GATAD2B: variants seen among roughly 807,000 people sequenced by gnomAD.
The protein encoded by GATAD2B is GATA zinc finger domain containing 2B.
Under a neutral mutation model 64.3 loss-of-function variants are expected in GATAD2B, and 8 were observed. The observed-to-expected ratio is 0.12, with a 90% CI of 0.07 to 0.22. The LOEUF is 0.22. Ranked by LOEUF, GATAD2B falls within the 10% of genes least tolerant of loss-of-function variation. GATAD2B has a pLI of 1.00. For synonymous variants in GATAD2B, 281 were observed against 271.3 expected (o/e 1.04, Z -0.35); for missense variants, 453 against 752.0 (o/e 0.60, Z 4.65).
intron 10 of GATAD2B, among the ~76,000 whole-genome samples, chr1:153,811,334 G>A (rs140015760): frequency 6.6e-6 from 1 of 152,336 alleles, no homozygotes; most frequent in East Asian, 1.9e-4. Flanking sequence ...AGTGGTGAGA[G>A]GAAGATGAAT....
intron 6 of GATAD2B, 100 bp downstream of exon 6, chr1:153,817,272 T>G (rs573880306): frequency 8.8e-7 from 1 of 1,136,420 alleles, no homozygotes; most frequent in East Asian, 2.6e-5. Context: ...TGTCCTAGAG[T>G]TTATCTATGT....
At position 153,812,190 on chromosome 1, in the gene GATAD2B, CT is replaced by C. The variant is rs11264420; in HGVS notation, c.1420-59del. On this transcript the variant is annotated intron_variant, in intron 8 of 10. Coordinates refer to ENST00000368655, the MANE Select transcript of GATAD2B (RefSeq NM_020699.4). ...AGGACAGCACCCAATACCCAATTTC[CT>C]TTTTTTTTTTTTTTTTTAAACAGAG... 248,262 of 604,484 alleles carry C rather than the reference CT, an allele frequency of 0.41. 24,727 individuals carry two copies. Among genetic ancestry groups the C allele is most frequent in the African/African-American group, 0.66 (32,365 of 49,258 alleles). The allele number at this position is 604,484 out of a possible 1,614,324, so 37.4% of individuals were successfully genotyped here. A position where few individuals can be genotyped will look rare whatever the true frequency, so the allele number is the denominator to read the frequency against.
At position 153,908,783 on chromosome 1, in the gene GATAD2B, A is replaced by T. The variant is rs12027760; in HGVS notation, c.-2+13950T>A. Reference sequence around the variant, plus strand: ...GCACCTGGCCTAGAAACATACTTGGAAAAAAAAAAAAAAAAAAAAGAAAGA... The same window carrying T: ...GCACCTGGCCTAGAAACATACTTGGTAAAAAAAAAAAAAAAAAAAGAAAGA... On this transcript the variant is annotated intron_variant, in intron 1 of 10. Transcript: ENST00000368655. Among the ~76,000 whole-genome samples the T allele has an allele frequency of 1.5e-4, 18 of 121,338 alleles. No homozygotes were observed. The East Asian group carries it at 2.9e-3, about 19-fold the overall frequency. 79.6% of individuals were successfully genotyped at this position (121,338 alleles called of 152,430 possible). A position where few individuals can be genotyped will look rare whatever the true frequency, so the allele number is the denominator to read the frequency against.
chr1:153,908,137 CACAA>C (rs771859926), intron 1 of GATAD2B, among the ~76,000 whole-genome samples: 1 of 152,066 alleles, frequency 6.6e-6, no homozygotes, highest in African/African-American at 2.4e-5. Flanking sequence ...TACATTTTAA[CACAA>C]ACACACACTC....
chr1:153,838,270 T>C (rs1675343251), intron 1 of GATAD2B, among the ~76,000 whole-genome samples: 1 of 152,184 alleles, frequency 6.6e-6, no homozygotes, highest in Admixed American at 6.6e-5. Context: ...TCATACACTA[T>C]GTGTCAAAGT....
chr1:153,887,244 C>T (rs981167722), intron 1 of GATAD2B, among the ~76,000 whole-genome samples: 5 of 152,150 alleles, frequency 3.3e-5, no homozygotes, highest in African/African-American at 1.2e-4. Flanking sequence ...CAATCAAGCA[C>T]TAATACAAAG....
intron 1 of GATAD2B, among the ~76,000 whole-genome samples, chr1:153,912,415 A>G (rs1011266750): frequency 2.6e-4 from 40 of 152,208 alleles, no homozygotes; most frequent in African/African-American, 8.7e-4. Flanking sequence ...TCTGAATTAT[A>G]AAATAAGAGA....
chr1:153,911,199 C>A (rs1479254866), intron 1 of GATAD2B, among the ~76,000 whole-genome samples: 1 of 152,040 alleles, frequency 6.6e-6, no homozygotes, highest in Non-Finnish European at 1.5e-5. Context: ...AAAGTACCAC[C>A]AATACTATTT....
chr1:153,846,457 C>T (rs925710783), intron 1 of GATAD2B, among the ~76,000 whole-genome samples: 15 of 151,826 alleles, frequency 9.9e-5, no homozygotes, highest in African/African-American at 2.7e-4. Flanking sequence ...ACGCTGGACT[C>T]GAACTCCTGG....
chr1:153,888,438 G>A (rs915808192), intron 1 of GATAD2B, among the ~76,000 whole-genome samples: 1 of 152,204 alleles, frequency 6.6e-6, no homozygotes, highest in Non-Finnish European at 1.5e-5. Context: ...TCAGCAGCAT[G>A]CTATTGATTC....
intron 2 of GATAD2B, among the ~76,000 whole-genome samples, chr1:153,822,465 T>C (rs1674714259): frequency 6.6e-6 from 1 of 152,158 alleles, no homozygotes; most frequent in Non-Finnish European, 1.5e-5. Flanking sequence ...TTCCCAGATA[T>C]AAACACACCG....
chr1:153,819,855 T>G, intron 2 of GATAD2B, 120 bp from the exon 3 acceptor site: 1 of 742,286 alleles, frequency 1.3e-6, no homozygotes, highest in South Asian at 2.7e-5. Flanking sequence ...TCCTAGCACT[T>G]TGGGAGACCG....
chr1:153,866,884 G>C (rs944216144), intron 1 of GATAD2B, among the ~76,000 whole-genome samples: 2 of 152,128 alleles, frequency 1.3e-5, no homozygotes, highest in African/African-American at 4.8e-5. Flanking sequence ...GGGTTCAATA[G>C]ATTCTCCTGC....
chr1:153,886,522 CTTTTTTTTTTTT>C (rs960423174), intron 1 of GATAD2B: 5 of 113,944 alleles, frequency 4.4e-5, no homozygotes, highest in Non-Finnish European at 8.8e-5. Context: ...AATAGTTTTC[CTTTTTTTTTTTT>C]TTTTTTTTTT....
intron 1 of GATAD2B, chr1:153,889,673 C>G: frequency 6.0e-6 from 5 of 833,298 alleles, no homozygotes; most frequent in Non-Finnish European, 7.2e-6. Flanking sequence ...TTAAAATACA[C>G]TCACATGTTA....
chr1:153,877,500 G>A (rs1476854823), intron 1 of GATAD2B, among the ~76,000 whole-genome samples: 1 of 152,042 alleles, frequency 6.6e-6, no homozygotes, highest in African/African-American at 2.4e-5. Context: ...AGAAGGTACT[G>A]GTTTATGCCT....
chr1:153,824,636 A>AAG (rs1553189272), intron 2 of GATAD2B, among the ~76,000 whole-genome samples: 2 of 150,934 alleles, frequency 1.3e-5, no homozygotes, highest in Non-Finnish European at 3.0e-5. Flanking sequence ...AAAAAAAAAA[A>AAG]AGTTGGGTTT....
rs764803901 is a variant in GATAD2B, at chr1:153,816,609, G to A, written c.901-21C>T. Reference sequence around the variant, plus strand: ...GACTGCTGAAATAGATTGAGAATGCGGTCAATCATGGTATGCAGGAGAAAG... The same window carrying A: ...GACTGCTGAAATAGATTGAGAATGCAGTCAATCATGGTATGCAGGAGAAAG... On this transcript the variant is annotated intron_variant, in intron 6 of 10. Transcript: ENST00000368655. The surrounding 1 kb of genome is among the most constrained non-coding windows in gnomAD (Gnocchi z 4.9). 2.6e-5 allele frequency: 40 copies of A among 1,526,330 alleles called. No homozygotes were observed. Among genetic ancestry groups the A allele is most frequent in the East Asian group, 9.0e-5 (4 of 44,322 alleles). 94.5% of individuals were successfully genotyped at this position (1,526,330 alleles called of 1,614,324 possible).
chr1:153,922,066 A>T (rs1196273705), intron 1 of GATAD2B: 2 of 152,254 alleles, frequency 1.3e-5, no homozygotes, highest in Non-Finnish European at 2.9e-5. Context: ...GTGCCCACAT[A>T]GCCTGAGACA....
Sources: allele counts gnomAD v4.1 joint callset (sites outside exome capture counted in the v4.1 genomes callset), GRCh38; gene constraint gnomAD v4.1.1; non-coding constraint Gnocchi (gnomAD v3.1); transcripts MANE v1.5; gene names NCBI Gene and HGNC (gene_info 2026-07-23, HGNC 2026-07-21).